Variants in NDUFA10 observed in about 807,000 individuals in gnomAD.
NDUFA10 encodes NADH:ubiquinone oxidoreductase subunit A10.
NDUFA10 carries 40 observed loss-of-function variants against 47.8 expected under a neutral mutation model. That is an observed-to-expected ratio of 0.84 (90% CI 0.65 to 1.09). NDUFA10 has a LOEUF of 1.09. Ranked by LOEUF, NDUFA10 falls within the 50% of genes least tolerant of loss-of-function variation. NDUFA10 has a pLI of 0.00. For synonymous variants in NDUFA10, 183 were observed against 172.2 expected, an observed-to-expected ratio of 1.06 and a Z score of -0.49; for missense variants, 413 against 451.1, an observed-to-expected ratio of 0.92 and a Z score of 0.76.
intron 5 of NDUFA10, chr2:240,012,672 G>A (rs1274277509): frequency 1.3e-5 from 2 of 152,150 alleles, no homozygotes; most frequent in Non-Finnish European, 2.9e-5. Context: ...CATTAAAGCT[G>A]TTCAAAATAA....
At chr2:239,922,131 A>T (rs542784485) in intron 4 of NDUFA10, among the ~76,000 whole-genome samples, 1 of 143,140 alleles carries the variant, frequency 7.0e-6, no homozygotes, top group African/African-American at 2.6e-5. Flanking sequence ...TTTCCCCTCA[A>T]TTATAAGCAG....
intron 9 of NDUFA10, among the ~76,000 whole-genome samples, chr2:239,978,378 C>T (rs1695617359): frequency 6.6e-6 from 1 of 152,196 alleles, no homozygotes; most frequent in South Asian, 2.1e-4. Context: ...CCACCCCTGA[C>T]CTTCCTGCGG....
At chr2:239,963,324 G>C (rs926558083) in intron 9 of NDUFA10, among the ~76,000 whole-genome samples, 2 of 152,226 alleles carry the variant, frequency 1.3e-5, no homozygotes, top group African/African-American at 4.8e-5. Flanking sequence ...GGCGTCAGGA[G>C]AGTGAGGGAC....
intron 4 of NDUFA10, among the ~76,000 whole-genome samples, chr2:239,896,723 A>C (rs1262666237): frequency 1.3e-5 from 2 of 152,228 alleles, no homozygotes; most frequent in African/African-American, 4.8e-5. Flanking sequence ...AAGGATAGTC[A>C]TATGTGTCGT....
rs1487184904 is a variant in NDUFA10, at chr2:239,906,610, C to A, written c.295-11296G>T. Among the ~76,000 whole-genome samples the A allele has an allele frequency of 4.6e-5, 7 of 152,198 alleles. 1 individual carries two copies. In the South Asian group the frequency reaches 1.0e-3, roughly 23 times the overall value. On this transcript the variant is annotated intron_variant, in intron 4 of 5. Transcript: ENST00000419408. The surrounding 1 kb of genome is among the most constrained non-coding windows in gnomAD (Gnocchi z 4.3). ...AAATGGCAGTGCACCCCATGGATGG[C>A]AAGAGCCAACCAGCGTGCCCCCGGG...
Position 240,007,297 on chromosome 2 carries a change from T to A in NDUFA10, c.804+19A>T, listed in dbSNP as rs1425233434. 5 of 1,561,020 alleles carry A rather than the reference T, an allele frequency of 3.2e-6. No homozygotes were observed. The Admixed American group carries it at 8.4e-5, about 26-fold the overall frequency. ...ATCAAATGTAGGAATAACTTTCAACTTTTCAACCATTTTCTTACCTTTTTT... is the reference window on the plus strand; with the variant it reads ...ATCAAATGTAGGAATAACTTTCAACATTTCAACCATTTTCTTACCTTTTTT... On this transcript the variant is annotated intron_variant, in intron 7 of 9. Coordinates refer to ENST00000252711, the MANE Select transcript of NDUFA10 (RefSeq NM_004544.4).
chr2:239,910,877 T>TC (rs930039369), intron 4 of NDUFA10, among the ~76,000 whole-genome samples: 15 of 152,142 alleles, frequency 9.9e-5, no homozygotes, highest in Admixed American at 9.2e-4. Context: ...AGGCCCCGGC[T>TC]CCTCCTCGTG....
chr2:239,899,497 G>A (rs543647533), intron 4 of NDUFA10, among the ~76,000 whole-genome samples: 4 of 146,892 alleles, frequency 2.7e-5, no homozygotes, highest in East Asian at 1.9e-4. Context: ...TGTGATGGAG[G>A]GGTGTGATGG....
At chr2:240,006,663 C>G (rs767893381) in intron 7 of NDUFA10, among the ~76,000 whole-genome samples, 1 of 152,154 alleles carries the variant, frequency 6.6e-6, no homozygotes, top group African/African-American at 2.4e-5. Context: ...TGCCTCAGTA[C>G]CATTTAGGAA....
At chr2:239,995,504 A>G (rs1258526949) in intron 8 of NDUFA10, among the ~76,000 whole-genome samples, 1 of 152,226 alleles carries the variant, frequency 6.6e-6, no homozygotes, top group Admixed American at 6.5e-5. Flanking sequence ...ATCTTATAAA[A>G]TGCTCAATGA....
intron 1 of NDUFA10, among the ~76,000 whole-genome samples, chr2:240,023,960 T>C (rs1288846115): frequency 6.6e-6 from 1 of 152,208 alleles, no homozygotes; most frequent in Non-Finnish European, 1.5e-5. Context: ...TCAGAATGGA[T>C]AGCAATCCAA....
At chr2:239,932,550 A>C (rs1182354567) in intron 4 of NDUFA10, among the ~76,000 whole-genome samples, 1 of 152,162 alleles carries the variant, frequency 6.6e-6, no homozygotes, top group Non-Finnish European at 1.5e-5. Flanking sequence ...CCTCTGGGAT[A>C]AGTTTCCAAA....
intron 9 of NDUFA10, among the ~76,000 whole-genome samples, chr2:239,962,062 G>A (rs905886796): frequency 1.6e-4 from 25 of 152,236 alleles, no homozygotes; most frequent in Non-Finnish European, 3.2e-4. Context: ...GGCTGAGACG[G>A]AAAGAGGAGT....
In NDUFA10 at chr2:239,970,798, G is replaced by A. The variant is rs990079399; in HGVS notation, c.1000-9612C>T. Reference sequence around the variant, plus strand: ...GCTCGTAAGGCCACAAAGGAAATAAGATGGAATTACAGTACATAACCATTC... The same window carrying A: ...GCTCGTAAGGCCACAAAGGAAATAAAATGGAATTACAGTACATAACCATTC... On this transcript the variant is annotated intron_variant, in intron 9 of 9. Coordinates refer to ENST00000252711, the MANE Select transcript of NDUFA10 (RefSeq NM_004544.4). Among the ~76,000 whole-genome samples, 4 of 152,336 alleles carry A rather than the reference G, an allele frequency of 2.6e-5. No homozygotes were observed. In the Middle Eastern group the frequency reaches 0.01, roughly 389 times the overall value.
At chr2:239,925,722 G>A (rs564179156) in intron 4 of NDUFA10, among the ~76,000 whole-genome samples, 62 of 152,300 alleles carry the variant, frequency 4.1e-4, no homozygotes, top group African/African-American at 1.5e-3. Context: ...AAAAGCCCTA[G>A]TGACAGAATG....
downstream of NDUFA10, among the ~76,000 whole-genome samples, chr2:239,956,099 G>C (rs1038676662): frequency 5.9e-5 from 9 of 152,104 alleles, no homozygotes; most frequent in Non-Finnish European, 1.0e-4. Context: ...GGCCATTCCC[G>C]GTACACCCAT....
At chr2:240,013,004 C>T (rs1242391411) in intron 5 of NDUFA10, 1 of 152,092 alleles carries the variant, frequency 6.6e-6, no homozygotes, top group Non-Finnish European at 1.5e-5. Flanking sequence ...AGCTATGTGC[C>T]AAGTAGAATA....
chr2:239,970,155 G>A (rs958938962), intron 9 of NDUFA10, among the ~76,000 whole-genome samples: 1 of 151,902 alleles, frequency 6.6e-6, no homozygotes, highest in South Asian at 2.1e-4. Context: ...ACAACCAAAG[G>A]GAAAAAAGGT....
chr2:239,924,847 G>A (rs575585438), intron 4 of NDUFA10, among the ~76,000 whole-genome samples: 3 of 152,162 alleles, frequency 2.0e-5, no homozygotes, highest in South Asian at 2.1e-4. Flanking sequence ...GAACTAATGC[G>A]TGTTCATCAA....
Sources: gnomAD v4.1 joint callset for allele counts (sites outside exome capture counted in the v4.1 genomes callset) on GRCh38, gnomAD v4.1.1 for gene constraint, Gnocchi (gnomAD v3.1) non-coding constraint, MANE v1.5 for transcripts, NCBI Gene and HGNC (gene_info 2026-07-23, HGNC 2026-07-21) for gene names.